The following PLCB4 variants were observed in gnomAD, a reference collection of about 807,000 sequenced individuals.
The protein encoded by PLCB4 is phospholipase C beta 4, also known as 1-phosphatidylinositol 4,5-bisphosphate phosphodiesterase beta-4.
A neutral mutation model predicts 178.8 loss-of-function variants in PLCB4; 77 were observed. The ratio of observed to expected loss-of-function variants is 0.43; its 90% CI spans 0.36 to 0.52. The LOEUF is 0.52. Ranked by LOEUF, PLCB4 falls within the 20% of genes least tolerant of loss-of-function variation. The pLI is 0.00. For missense variants in PLCB4, 1,024 were observed against 1,453.4 expected (o/e 0.70, Z 4.80); for synonymous variants, 496 against 490.8 (o/e 1.01, Z -0.14).
At chr20:9,168,886 C>T (rs1234640327) in intron 2 of PLCB4, among the ~76,000 whole-genome samples, 3 of 130,654 alleles carry the variant, frequency 2.3e-5, no homozygotes, top group Non-Finnish European at 5.1e-5. Flanking sequence ...TTCCAGGACT[C>T]GTCATCCTTG....
At position 9,280,458 on chromosome 20, in the gene PLCB4, G is replaced by T. The variant is rs530018202; in HGVS notation, c.-15-27342G>T. The T allele has an allele frequency of 1.4e-5, 14 of 984,538 alleles. No individual in the cohort carries two copies. In the African/African-American group the frequency reaches 2.4e-4, roughly 17 times the overall value. The allele number at this position is 984,538 out of a possible 1,614,324, so 61.0% of individuals were successfully genotyped here. ...TGAAAGATGGAATGGCAGGGGAGAA[G>T]GGAAGGGAAAAAAAGGAGGTGGGTG... On this transcript the variant is annotated intron_variant, in intron 3 of 39. Coordinates refer to ENST00000378473, the MANE Select transcript of PLCB4 (RefSeq NM_001377142.1).
chr20:9,349,012 G>A (rs1316282506), intron 7 of PLCB4, among the ~76,000 whole-genome samples: 3 of 150,932 alleles, frequency 2.0e-5, no homozygotes, highest in Non-Finnish European at 2.9e-5. Flanking sequence ...CATGATAGAG[G>A]ATGTAGTTGC....
chr20:9,370,070 C>G (rs1041588874), intron 9 of PLCB4, among the ~76,000 whole-genome samples: 3 of 152,194 alleles, frequency 2.0e-5, no homozygotes, highest in Admixed American at 1.3e-4. Context: ...TTCCAGGGTA[C>G]CAAGTCCTCT....
intron 1 of PLCB4, among the ~76,000 whole-genome samples, chr20:9,073,145 G>A (rs960408692): frequency 2.6e-5 from 4 of 152,194 alleles, no homozygotes; most frequent in African/African-American, 9.6e-5. Flanking sequence ...TTGTCCTCCC[G>A]AACAATTAAA....
rs549109468 is a variant in PLCB4, at chr20:9,431,505, G to A, written c.2525-4055G>A. The stretch of plus-strand genomic sequence containing the variant: ...TTATGAGACAGAGTCTTGCTCTGTC[G>A]CCCAGGCTGCAGTGCAGTGGCATGA... On this transcript the variant is annotated intron_variant, in intron 28 of 39. Transcript: ENST00000378473. Among the ~76,000 whole-genome samples the A allele has an allele frequency of 5.7e-4, 86 of 151,628 alleles. No individual in the cohort carries two copies. In the South Asian group the frequency reaches 7.1e-3, roughly 13 times the overall value.
chr20:9,450,901 A>C, intron 32 of PLCB4, among the ~76,000 whole-genome samples: 1 of 151,974 alleles, frequency 6.6e-6, no homozygotes, highest in East Asian at 1.9e-4. Flanking sequence ...TATGCGCCTC[A>C]GCCTCCCAAA....
At chr20:9,152,936 GT>G (rs1337081807) in intron 2 of PLCB4, among the ~76,000 whole-genome samples, 3 of 152,204 alleles carry the variant, frequency 2.0e-5, no homozygotes, top group Non-Finnish European at 4.4e-5. Context: ...TGTGACCTGG[GT>G]GTGAGACCTG....
Position 9,307,105 on chromosome 20 carries a change from G to A in PLCB4, c.-15-695G>A, listed in dbSNP as rs924056099. Among the ~76,000 whole-genome samples, 24 of 152,236 alleles carry A rather than the reference G, an allele frequency of 1.6e-4. No individual in the cohort carries two copies. In the South Asian group the frequency reaches 1.7e-3, roughly 11 times the overall value. On this transcript the variant is annotated intron_variant, in intron 3 of 39. Transcript: ENST00000378473. ...CAAGTTCCACACAGAAGGAGGAGGG[G>A]CCAGACTCCTCTCTGCTACAAACAT... is the stretch of plus-strand genomic sequence containing the variant.
chr20:9,476,960 G>A (rs189035607), intron 39 of PLCB4, among the ~76,000 whole-genome samples: 1 of 152,202 alleles, frequency 6.6e-6, no homozygotes, highest in African/African-American at 2.4e-5. Context: ...ACTTCTGAGG[G>A]TATTTGAACC....
At chr20:9,390,440 G>T in intron 16 of PLCB4, 91 bp from the exon 17 acceptor site, 1 of 616,460 alleles carries the variant, frequency 1.6e-6, no homozygotes, top group South Asian at 2.2e-5. Flanking sequence ...TTTGCCAAGT[G>T]AGAATCTTTA....
chr20:9,321,690 G>A (rs961225194), intron 4 of PLCB4, among the ~76,000 whole-genome samples: 19 of 151,972 alleles, frequency 1.3e-4, no homozygotes, highest in African/African-American at 4.3e-4. Context: ...CTAGAGTGCC[G>A]TGGCATGCTC....
At chr20:9,452,342 A>C (rs1287241815) in intron 32 of PLCB4, among the ~76,000 whole-genome samples, 1 of 152,222 alleles carries the variant, frequency 6.6e-6, no homozygotes, top group Non-Finnish European at 1.5e-5. Flanking sequence ...CTTTTAAATT[A>C]AGGCACTATT....
chr20:9,363,066 A>G lies in PLCB4; in HGVS notation c.449+91A>G, dbSNP rs2035485284. 36 of 897,758 alleles carry G rather than the reference A, an allele frequency of 4.0e-5. 1 individual carries two copies. In the South Asian group the frequency reaches 4.1e-4, roughly 10 times the overall value. 55.6% of individuals were successfully genotyped at this position (897,758 alleles called of 1,614,324 possible). On this transcript the variant is annotated intron_variant, in intron 8 of 39. Transcript: ENST00000378473. The stretch of plus-strand genomic sequence containing the variant: ...GAAGGCTAGGTGGTTCCTTCCTCCA[A>G]ATTCCTGCTTGCCTTTCCCTCCATG...
At chr20:9,156,258 C>T (rs1484637060) in intron 2 of PLCB4, among the ~76,000 whole-genome samples, 1 of 152,180 alleles carries the variant, frequency 6.6e-6, no homozygotes. Flanking sequence ...CAATACCTCT[C>T]TCAATGTATT....
intron 2 of PLCB4, among the ~76,000 whole-genome samples, chr20:9,147,784 A>G (rs1358018580): frequency 6.6e-6 from 1 of 152,142 alleles, no homozygotes; most frequent in Non-Finnish European, 1.5e-5. Context: ...CATTGGCCAA[A>G]GGAAGTCACA....
chr20:9,341,813 T>C lies in PLCB4; in HGVS notation c.369+2776T>C, dbSNP rs1208002574. Among the ~76,000 whole-genome samples, 12 of 152,268 alleles carry C rather than the reference T, an allele frequency of 7.9e-5. No homozygotes were observed. In the East Asian group the frequency reaches 2.1e-3, roughly 27 times the overall value. ...AGGTTTTCTCCTAGTATTATTGCCA[T>C]TGAAATTTAAGAGCAGCTAGCCAGT... is the stretch of plus-strand genomic sequence containing the variant. On this transcript the variant is annotated intron_variant, in intron 7 of 39. Coordinates refer to ENST00000378473, the MANE Select transcript of PLCB4 (RefSeq NM_001377142.1).
At chr20:9,146,156 C>A (rs1195660524) in intron 2 of PLCB4, among the ~76,000 whole-genome samples, 1 of 152,064 alleles carries the variant, frequency 6.6e-6, no homozygotes, top group African/African-American at 2.4e-5. Flanking sequence ...TTAGAGTTTC[C>A]TCTGCCCCAG....
chr20:9,106,424 GC>G (rs1180960460), intron 2 of PLCB4, among the ~76,000 whole-genome samples: 6 of 151,530 alleles, frequency 4.0e-5, no homozygotes, highest in African/African-American at 1.5e-4. Context: ...GCACTGAAGG[GC>G]CATATTTTCC....
intron 7 of PLCB4, among the ~76,000 whole-genome samples, chr20:9,344,080 C>G (rs1203681281): frequency 6.6e-6 from 1 of 152,194 alleles, no homozygotes; most frequent in East Asian, 1.9e-4. Context: ...TAATTCAGAT[C>G]ACATCACTCC....
Sources: gnomAD v4.1 joint callset for allele counts (sites outside exome capture counted in the v4.1 genomes callset) on GRCh38, gnomAD v4.1.1 for gene constraint, MANE v1.5 for transcripts, NCBI Gene and HGNC (gene_info 2026-07-23, HGNC 2026-07-21) for gene names.